The following IDUA variants were observed in gnomAD, a reference collection of about 807,000 sequenced individuals.
IDUA encodes alpha-L-iduronidase, also known as iduronidase alpha-L-.
Under a neutral mutation model 68.9 loss-of-function variants are expected in IDUA, and 65 were observed. The ratio of observed to expected loss-of-function variants is 0.94; its 90% CI spans 0.77 to 1.16. The LOEUF is 1.16. Among genes scored for constraint, IDUA ranks in the 50% most tolerant of loss-of-function variants. The pLI is 0.00. For missense variants in IDUA, 1,046 were observed against 938.0 expected, an observed-to-expected ratio of 1.12 and a Z score of -1.50; for synonymous variants, 529 against 433.6, an observed-to-expected ratio of 1.22 and a Z score of -2.73.
chr4:996,486 T>TC (rs1383759693), intron 2 of IDUA, among the ~76,000 whole-genome samples: 1 of 152,044 alleles, frequency 6.6e-6, no homozygotes, highest in Non-Finnish European at 1.5e-5. Context: ...AGGTGGCCCT[T>TC]CCCCCCTCAG....
At chr4:990,035 C>T (rs760982558) in intron 2 of IDUA, 2 of 1,596,808 alleles carry the variant, frequency 1.3e-6, no homozygotes, top group Admixed American at 1.7e-5. Context: ...ACGAGTGTGG[C>T]CACCACGATG....
intron 2 of IDUA, chr4:991,779 C>T (rs762255356): frequency 6.3e-5 from 97 of 1,528,796 alleles, no homozygotes; most frequent in Non-Finnish European, 7.5e-5. Flanking sequence ...GATCCAGGGC[C>T]AAACGACAAG....
At chr4:994,724 A>T (rs1375771635) in intron 2 of IDUA, among the ~76,000 whole-genome samples, 1 of 151,934 alleles carries the variant, frequency 6.6e-6, no homozygotes, top group Non-Finnish European at 1.5e-5. Context: ...GGCTTGAGCC[A>T]CTGCACCCGG....
intron 2 of IDUA, 52 bp downstream of exon 2, chr4:988,001 A>G (rs1196249569): frequency 1.3e-6 from 2 of 1,516,054 alleles, no homozygotes; most frequent in East Asian, 2.5e-5. Flanking sequence ...AGAGGCACAG[A>G]TGGGAGGGGA....
chr4:997,534 C>T (rs1445081107), intron 2 of IDUA, among the ~76,000 whole-genome samples: 5 of 151,254 alleles, frequency 3.3e-5, no homozygotes, highest in African/African-American at 1.2e-4. Context: ...CAGCCGCGGC[C>T]GCGCGGTGAA....
At position 1,004,450 on chromosome 4, in the gene IDUA, G is replaced by T. The variant is rs1715323442; in HGVS notation, c.*57G>T. 1 of 1,575,038 alleles carries T rather than the reference G, an allele frequency of 6.3e-7. No homozygotes were observed. The highest frequency in any genetic ancestry group is 1.1e-5 in the South Asian group (1 of 90,202). On this transcript the variant is annotated 3_prime_UTR_variant, in exon 14 of 14. Transcript: ENST00000514224. The surrounding 1 kb of genome is among the most constrained non-coding windows in gnomAD (Gnocchi z 5.0). The stretch of plus-strand genomic sequence containing the variant: ...CACCGGCAGTCAGCGAGCTGGGGCT[G>T]CACTGTGCCCATGCTGCCCTCCCAT...
rs756441262 is a variant in IDUA at position 1,004,247 on chromosome 4, C to T, written c.1829-13C>T. The T allele has an allele frequency of 6.2e-7, 1 of 1,609,502 alleles. No homozygotes were observed. Among genetic ancestry groups the T allele is most frequent in the Non-Finnish European group, 8.5e-7 (1 of 1,179,962 alleles). Reference sequence around the variant, plus strand: ...GCAGGTTCCGGTTGGCACACATGTCCCCTTGTCTCCAGACACAGGTGCTGT... The same window carrying T: ...GCAGGTTCCGGTTGGCACACATGTCTCCTTGTCTCCAGACACAGGTGCTGT... On this transcript the variant is annotated splice_polypyrimidine_tract_variant and intron_variant, in intron 13 of 13. Transcript: ENST00000514224. The surrounding 1 kb of genome is among the most constrained non-coding windows in gnomAD (Gnocchi z 5.0).
chr4:991,570 C>T (rs1184462173), intron 2 of IDUA: 6 of 1,602,970 alleles, frequency 3.7e-6, no homozygotes, highest in Non-Finnish European at 5.1e-6. Context: ...CGCCCGGACG[C>T]ACAGCACACT....
At position 989,306 on chromosome 4, in the gene IDUA, GC is replaced by G. The variant is rs1265696919; in HGVS notation, c.299+1363del. ...AAGTCCTTGTTGGCATAGTACAGCG[GC>G]CCCCCAAAGCGGAACACCCGCACGC... On this transcript the variant is annotated intron_variant, in intron 2 of 13. Transcript: ENST00000514224. 4 of 1,611,748 alleles carry G rather than the reference GC, an allele frequency of 2.5e-6. No individual in the cohort carries two copies. The African/African-American group carries it at 4.0e-5, about 16-fold the overall frequency.
chr4:994,876 T>C (rs1397665490), intron 2 of IDUA, among the ~76,000 whole-genome samples: 1 of 151,976 alleles, frequency 6.6e-6, no homozygotes, highest in Non-Finnish European at 1.5e-5. Flanking sequence ...CCATGAGGTA[T>C]GATTAGGCCA....
intron 2 of IDUA, chr4:990,976 C>T (rs914332361): frequency 3.3e-5 from 26 of 799,634 alleles, no homozygotes; most frequent in Middle Eastern, 7.6e-4. Flanking sequence ...TGGGATGCCC[C>T]GGCACGCCCC....
chr4:1,002,561 G>T, intron 8 of IDUA, 76 bp downstream of exon 8: 1 of 1,333,008 alleles, frequency 7.5e-7, no homozygotes, highest in Non-Finnish European at 9.8e-7. Flanking sequence ...GCCCCGCTGC[G>T]GGGAGCGCAC....
rs371671788 is a variant in IDUA, at chr4:1,000,727, G to A, written c.385+30G>A. 2.8e-5 allele frequency: 44 copies of A among 1,556,004 alleles called. No individual in the cohort carries two copies. In the African/African-American group the frequency reaches 3.2e-4, roughly 11 times the overall value. ...GCTGTGGGCTCTGCCCTCCCAGCCCGCCTGCACCCCCTTGCCCTGCCCACC... is the reference window on the plus strand; with the variant it reads ...GCTGTGGGCTCTGCCCTCCCAGCCCACCTGCACCCCCTTGCCCTGCCCACC... On this transcript the variant is annotated intron_variant, in intron 3 of 13. Coordinates refer to ENST00000514224, the MANE Select transcript of IDUA (RefSeq NM_000203.5).
At position 1,002,801 on chromosome 4, in the gene IDUA, T is replaced by G; in HGVS notation, c.1259T>G (p.Val420Gly). ...TVLDSNHTVG[V>G]LASAHRPQGP... ...CTGGACAGCAACCACACGGTGGGCG[T>G]CCTGGCCAGCGCCCACCGCCCCCAG... The change falls in exon 9 of 14, where the codon GTC becomes GGC. Residue 420 changes from valine (V) to glycine (G), a missense_variant. By Grantham distance (109) the Val-to-Gly change is moderately radical. Coordinates refer to ENST00000514224, the MANE Select transcript of IDUA (RefSeq NM_000203.5). 6.8e-7 allele frequency: 1 copy of G among 1,461,750 alleles called. No individual in the cohort carries two copies. Among genetic ancestry groups the G allele is most frequent in the South Asian group, 1.3e-5 (1 of 76,080 alleles). 90.5% of individuals were successfully genotyped at this position (1,461,750 alleles called of 1,614,324 possible). A position where few individuals can be genotyped will look rare whatever the true frequency, so the allele number is the denominator to read the frequency against.
chr4:988,528 C>T, intron 2 of IDUA: 1 of 1,212,612 alleles, frequency 8.2e-7, no homozygotes, highest in Non-Finnish European at 1.0e-6. Flanking sequence ...AATAAGATGT[C>T]AACCCTGAGC....
At chr4:999,078 G>A (rs899766199) in intron 2 of IDUA, among the ~76,000 whole-genome samples, 26 of 152,066 alleles carry the variant, frequency 1.7e-4, no homozygotes, top group African/African-American at 2.4e-4. Flanking sequence ...GGTGGCGGGC[G>A]CCTGTAGTCC....
rs1295602141 is a variant in IDUA at position 1,001,803 on chromosome 4, G to T, written c.714G>T (p.Leu238=). ...PPRSPLSWGL[L]RHCHDGTNFF... ...GATCCCCGCTGAGCTGGGGCCTCCT[G>T]CGCCACTGCCACGACGGTACCAACT... Residue 238 remains leucine, a synonymous_variant, in exon 6 of 14, where the codon CTG becomes CTT. Coordinates refer to ENST00000514224, the MANE Select transcript of IDUA (RefSeq NM_000203.5). 2 of 1,604,884 alleles carry T rather than the reference G, an allele frequency of 1.2e-6. No individual in the cohort carries two copies. Among genetic ancestry groups the T allele is most frequent in the Non-Finnish European group, 1.7e-6 (2 of 1,177,734 alleles).
chr4:988,343 G>A (rs1041613535), intron 2 of IDUA: 34 of 1,091,450 alleles, frequency 3.1e-5, no homozygotes, highest in Non-Finnish European at 3.6e-5. Flanking sequence ...GTGAGGGGGA[G>A]GCACGAGGTG....
At chr4:990,703 G>A (rs1714221235) in intron 2 of IDUA, 1 of 421,074 alleles carries the variant, frequency 2.4e-6, no homozygotes, top group Non-Finnish European at 4.3e-6. Flanking sequence ...CCTACACATG[G>A]TGCCCACTGC....
Sources: allele counts gnomAD v4.1 joint callset (sites outside exome capture counted in the v4.1 genomes callset), GRCh38; gene constraint gnomAD v4.1.1; non-coding constraint Gnocchi (gnomAD v3.1); transcripts MANE v1.5; gene names NCBI Gene and HGNC (gene_info 2026-07-23, HGNC 2026-07-21).